FBN1: variants seen among roughly 807,000 people sequenced by gnomAD.
The protein encoded by FBN1 is fibrillin-1.
In FBN1, 29 loss-of-function variants were observed where a neutral mutation model predicts 365.1. That is an observed-to-expected ratio of 0.08 (90% CI 0.06 to 0.11). FBN1 has a LOEUF of 0.11. Among genes scored for constraint, FBN1 ranks in the 10% least tolerant of loss-of-function variants. The pLI, the probability that FBN1 is intolerant of heterozygous loss-of-function variation, is 1.00. For missense variants in FBN1, 2,476 were observed against 3,703.2 expected (o/e 0.67, Z 8.60); for synonymous variants, 1,210 against 1,270.5 (o/e 0.95, Z 1.01).
At chr15:48,586,351 G>A (rs1376537364) in intron 6 of FBN1, among the ~76,000 whole-genome samples, 1 of 152,138 alleles carries the variant, frequency 6.6e-6, no homozygotes, top group Non-Finnish European at 1.5e-5. Context: ...TGGGGGTTTG[G>A]GGGCTGGCCT....
chr15:48,520,597 T>C, intron 10 of FBN1, 62 bp downstream of exon 10: 4 of 1,594,580 alleles, frequency 2.5e-6, no homozygotes, highest in East Asian at 2.3e-5. Flanking sequence ...ATCATGCACA[T>C]TGCCACTGGG....
intron 60 of FBN1, among the ~76,000 whole-genome samples, chr15:48,424,178 G>A (rs895868210): frequency 1.3e-5 from 2 of 152,150 alleles, no homozygotes; most frequent in Admixed American, 6.5e-5. Flanking sequence ...AGCTATGAGC[G>A]ACTTCATTTA....
intron 6 of FBN1, among the ~76,000 whole-genome samples, chr15:48,554,381 T>A (rs922003933): frequency 1.3e-5 from 2 of 152,220 alleles, no homozygotes; most frequent in African/African-American, 4.8e-5. Flanking sequence ...CTCATACTCC[T>A]AAATCTTGAG....
intron 4 of FBN1, among the ~76,000 whole-genome samples, chr15:48,605,862 A>T (rs1299698625): frequency 6.6e-6 from 1 of 152,196 alleles, no homozygotes; most frequent in Non-Finnish European, 1.5e-5. Flanking sequence ...GTGACAGAGT[A>T]AGACCCCGTC....
intron 21 of FBN1, 24 bp from the exon 22 acceptor site, chr15:48,495,284 A>G (rs2043596896): frequency 6.2e-7 from 1 of 1,612,264 alleles, no homozygotes. Context: ...AATAATATTT[A>G]ATAGAATCTA....
At chr15:48,484,026 A>G in intron 30 of FBN1, 83 bp from the exon 31 acceptor site, 1 of 1,423,688 alleles carries the variant, frequency 7.0e-7, no homozygotes, top group South Asian at 1.2e-5. Flanking sequence ...ACCGCAGTCA[A>G]ATAAACTTAG....
rs1347364483 is a variant in FBN1 at position 48,516,163 on chromosome 15, G to C, written c.1327+20C>G. ...TTGAACAATGCAAGAAAAATAACTA[G>C]ATGATTTTTGAATTCTTACTTGGTG... On this transcript the variant is annotated intron_variant, in intron 11 of 65. Transcript: ENST00000316623. 3.1e-6 allele frequency: 5 copies of C among 1,602,680 alleles called. No homozygotes were observed. The highest frequency in any genetic ancestry group is 4.3e-6 in the Non-Finnish European group (5 of 1,170,046).
chr15:48,585,579 G>A (rs2044429480), intron 6 of FBN1, among the ~76,000 whole-genome samples: 1 of 152,110 alleles, frequency 6.6e-6, no homozygotes, highest in African/African-American at 2.4e-5. Context: ...TCGACTTCAA[G>A]AGCCCACAGT....
chr15:48,565,804 T>C (rs907717677), intron 6 of FBN1, among the ~76,000 whole-genome samples: 2 of 152,182 alleles, frequency 1.3e-5, no homozygotes, highest in African/African-American at 4.8e-5. Flanking sequence ...ACTGATACTC[T>C]TTATCTTCAA....
At chr15:48,619,829 C>G (rs1339859011) in intron 2 of FBN1, among the ~76,000 whole-genome samples, 2 of 151,210 alleles carry the variant, frequency 1.3e-5, no homozygotes, top group Non-Finnish European at 2.9e-5. Context: ...ACGAGTTTAC[C>G]TGTATAACAA....
intron 9 of FBN1, among the ~76,000 whole-genome samples, chr15:48,525,214 G>A (rs1428042347): frequency 6.6e-6 from 1 of 151,760 alleles, no homozygotes; most frequent in Non-Finnish European, 1.5e-5. Context: ...AGCCTCCTGA[G>A]TAGCTGGGAT....
chr15:48,609,567 G>C (rs2044641475), intron 4 of FBN1, among the ~76,000 whole-genome samples: 1 of 152,200 alleles, frequency 6.6e-6, no homozygotes, highest in Non-Finnish European at 1.5e-5. Flanking sequence ...AGACAGTGCA[G>C]AGTGAACCTC....
At chr15:48,524,548 G>T (rs571926321) in intron 9 of FBN1, among the ~76,000 whole-genome samples, 1 of 152,340 alleles carries the variant, frequency 6.6e-6, no homozygotes, top group Non-Finnish European at 1.5e-5. Flanking sequence ...TGTATGACAA[G>T]TGTCTAATTA....
intron 34 of FBN1, 143 bp from the exon 35 acceptor site, chr15:48,472,819 G>A: frequency 9.3e-7 from 1 of 1,072,078 alleles, no homozygotes; most frequent in East Asian, 2.5e-5. Context: ...CTCTTTGGTA[G>A]GCTAACACTG....
intron 59 of FBN1, 23 bp downstream of exon 59, chr15:48,425,716 A>C (rs776542676): frequency 1.2e-6 from 2 of 1,612,184 alleles, no homozygotes; most frequent in Admixed American, 3.3e-5. Flanking sequence ...CTTGAGGATA[A>C]GCCATCAGAA....
chr15:48,487,325 G>T lies in FBN1; in HGVS notation c.3450C>A (p.Ile1150=), dbSNP rs1489879961. The part of the protein sequence containing the change: ...CPPGHQLSPN[I]SACIDINECE... Reference sequence around the variant, plus strand: ...CTTTCTCCTTACCGATACACGCGGAGATGTTGGGGGACAGCTGATGGCCAG... The same window carrying T: ...CTTTCTCCTTACCGATACACGCGGATATGTTGGGGGACAGCTGATGGCCAG... Residue 1150 remains isoleucine, a synonymous_variant, in exon 28 of 66, where the codon ATC becomes ATA. Coordinates refer to ENST00000316623, the MANE Select transcript of FBN1 (RefSeq NM_000138.5). The T allele has an allele frequency of 6.2e-7, 1 of 1,614,254 alleles. No homozygotes were observed. Among genetic ancestry groups the T allele is most frequent in the Admixed American group, 1.7e-5 (1 of 60,032 alleles).
chr15:48,428,849 C>G (rs2043003388), intron 56 of FBN1, among the ~76,000 whole-genome samples: 1 of 152,122 alleles, frequency 6.6e-6, no homozygotes, highest in Admixed American at 6.5e-5. Flanking sequence ...TCACATGGTT[C>G]AAAATTAAAA....
intron 18 of FBN1, among the ~76,000 whole-genome samples, chr15:48,497,909 T>C (rs921770866): frequency 6.6e-6 from 1 of 152,202 alleles, no homozygotes; most frequent in Non-Finnish European, 1.5e-5. Context: ...TATCCCAGAC[T>C]TCACACTCTT....
chr15:48,573,836 G>A (rs1310822246), intron 6 of FBN1, among the ~76,000 whole-genome samples: 4 of 152,364 alleles, frequency 2.6e-5, no homozygotes, highest in Non-Finnish European at 4.4e-5. Flanking sequence ...CTTCTCTGAT[G>A]AGGGTAGGCT....
Sources: gnomAD v4.1 joint callset for allele counts (sites outside exome capture counted in the v4.1 genomes callset) on GRCh38, gnomAD v4.1.1 for gene constraint, MANE v1.5 for transcripts, NCBI Gene and HGNC (gene_info 2026-07-23, HGNC 2026-07-21) for gene names.